Variants in SYPL2 observed in about 807,000 individuals in gnomAD.
The protein encoded by SYPL2 is synaptophysin like 2.
Under a neutral mutation model 31.3 loss-of-function variants are expected in SYPL2, and 24 were observed. The observed-to-expected ratio is 0.77, with a 90% confidence interval of 0.56 to 1.08. SYPL2 has a LOEUF of 1.08. Ranked by LOEUF, SYPL2 falls within the 50% of genes least tolerant of loss-of-function variation. SYPL2 has a pLI of 0.00. For synonymous variants in SYPL2, 144 were observed against 143.1 expected, an observed-to-expected ratio of 1.01 and a Z score of -0.05; for missense variants, 342 against 360.1, an observed-to-expected ratio of 0.95 and a Z score of 0.41.
chr1:109,471,467 G>T (rs149712259), intron 2 of SYPL2, among the ~76,000 whole-genome samples: 165 of 152,318 alleles, frequency 1.1e-3, no homozygotes, highest in Admixed American at 1.7e-3. Context: ...TTTAGACACA[G>T]CAGAACTTTT....
intron 2 of SYPL2, 65 bp from the exon 3 acceptor site, chr1:109,475,516 G>A (rs1346192878): frequency 2.2e-5 from 35 of 1,577,136 alleles, no homozygotes; most frequent in Non-Finnish European, 2.9e-5. Context: ...GGGGAGTCAC[G>A]GTTAGTTCTC....
intron 1 of SYPL2, 67 bp downstream of exon 1, chr1:109,466,964 C>T: frequency 3.9e-6 from 6 of 1,534,994 alleles, no homozygotes; most frequent in Non-Finnish European, 5.2e-6. Context: ...GCACACTTAT[C>T]CCACCCCTGG....
At chr1:109,477,739 G>A in intron 4 of SYPL2, 79 bp from the exon 5 acceptor site, 1 of 1,529,680 alleles carries the variant, frequency 6.5e-7, no homozygotes, top group Non-Finnish European at 8.8e-7. Flanking sequence ...GGGATTGCCA[G>A]TATCATGGCA....
At chr1:109,479,236 C>G in intron 5 of SYPL2, 142 bp from the exon 6 acceptor site, 1 of 894,892 alleles carries the variant, frequency 1.1e-6, no homozygotes, top group East Asian at 2.4e-5. Context: ...GCCTCTATAC[C>G]GAGCTCTCTG....
At position 109,479,780 on chromosome 1, in the gene SYPL2, C is replaced by T; in HGVS notation, c.*232C>T. On this transcript the variant is annotated 3_prime_UTR_variant, in exon 6 of 6. Transcript: ENST00000369872. ...TGGCAGGAGCTCAGTGCTTCTTGTGCAGTGCCTGGACCCAGGTATCTTACT... is the reference window on the plus strand; with the variant it reads ...TGGCAGGAGCTCAGTGCTTCTTGTGTAGTGCCTGGACCCAGGTATCTTACT... The T allele has an allele frequency of 1.7e-6, 1 of 605,120 alleles. No individual in the cohort carries two copies. Among genetic ancestry groups the T allele is most frequent in the Non-Finnish European group, 2.8e-6 (1 of 353,742 alleles). 37.5% of individuals were successfully genotyped at this position (605,120 alleles called of 1,614,324 possible).
rs1655962851 is a variant in SYPL2 at position 109,475,371 on chromosome 1, T to C, written c.130-210T>C. 8.5e-6 allele frequency: 5 copies of C among 590,784 alleles called. No individual in the cohort carries two copies. The South Asian group carries it at 9.2e-5, about 11-fold the overall frequency. 36.6% of individuals were successfully genotyped at this position (590,784 alleles called of 1,614,324 possible). On this transcript the variant is annotated intron_variant, in intron 2 of 5. Transcript: ENST00000369872. Reference sequence around the variant, plus strand: ...CTTGCAGACACCACTCAGTCAACCTTGTATTCATTTGGCTATTTGGTCCAG... The same window carrying C: ...CTTGCAGACACCACTCAGTCAACCTCGTATTCATTTGGCTATTTGGTCCAG...
chr1:109,472,964 T>A (rs1370808945), intron 2 of SYPL2, among the ~76,000 whole-genome samples: 5 of 152,110 alleles, frequency 3.3e-5, no homozygotes, highest in Non-Finnish European at 7.3e-5. Context: ...ACTGACTAAC[T>A]GCCAACGGGT....
rs1012524637 is a variant in SYPL2, at chr1:109,466,746, T to G, written c.-98T>G. 2.0e-5 allele frequency: 27 copies of G among 1,320,700 alleles called. No homozygotes were observed. The Admixed American group carries it at 3.7e-4, about 18-fold the overall frequency. The allele number at this position is 1,320,700 out of a possible 1,614,324, so 81.8% of individuals were successfully genotyped here. A position where few individuals can be genotyped will look rare whatever the true frequency, so the allele number is the denominator to read the frequency against. On this transcript the variant is annotated 5_prime_UTR_variant, in exon 1 of 6. Transcript: ENST00000369872. ...GCGCTCCGGCCCCGCTCGCCTGCTC[T>G]GCCCCGGACCTGCAGCTCCCCGCTC...
In SYPL2 at chr1:109,479,396, T is replaced by C; in HGVS notation, c.667T>C (p.Phe223Leu). The change falls in exon 6 of 6, where the codon TTC becomes CTC. Residue 223 changes from phenylalanine (F) to leucine (L), a missense_variant. Transcript: ENST00000369872. Reference protein sequence around the residue: ...NISVLFGFINFFLWAGNCWFV... With the variant: ...NISVLFGFINLFLWAGNCWFV... ...TTTGCAGCTCTTTGGCTTTATCAACTTCTTCCTGTGGGCCGGGAACTGTTG... is the reference window on the plus strand; with the variant it reads ...TTTGCAGCTCTTTGGCTTTATCAACCTCTTCCTGTGGGCCGGGAACTGTTG... 6.2e-7 allele frequency: 1 copy of C among 1,614,146 alleles called. No individual in the cohort carries two copies. Among genetic ancestry groups the C allele is most frequent in the South Asian group, 1.1e-5 (1 of 91,078 alleles).
intron 3 of SYPL2, among the ~76,000 whole-genome samples, chr1:109,476,414 C>G (rs1655999475): frequency 6.6e-6 from 1 of 152,182 alleles, no homozygotes; most frequent in African/African-American, 2.4e-5. Context: ...CCTGCACTTT[C>G]CAGAGGCAGA....
chr1:109,470,396 T>C (rs139795625), intron 2 of SYPL2, among the ~76,000 whole-genome samples: 36 of 152,320 alleles, frequency 2.4e-4, no homozygotes, highest in African/African-American at 8.2e-4. Flanking sequence ...CTCAGGACTG[T>C]CACAGGATTA....
chr1:109,470,842 A>G (rs923026347), intron 2 of SYPL2, among the ~76,000 whole-genome samples: 2 of 152,140 alleles, frequency 1.3e-5, no homozygotes, highest in African/African-American at 4.8e-5. Context: ...CCTCCTTGTA[A>G]TCCTCAATGC....
chr1:109,469,217 G>A (rs1207361371), intron 2 of SYPL2, among the ~76,000 whole-genome samples: 8 of 152,066 alleles, frequency 5.3e-5, no homozygotes, highest in Non-Finnish European at 1.2e-4. Context: ...GCTCCTGATT[G>A]GAGAAGGAAA....
intron 3 of SYPL2, 25 bp from the exon 4 acceptor site, chr1:109,476,751 G>A: frequency 1.2e-6 from 2 of 1,611,482 alleles, no homozygotes; most frequent in East Asian, 2.2e-5. Flanking sequence ...CCTGAGCTCA[G>A]GATGGCCTCC....
intron 2 of SYPL2, 170 bp from the exon 3 acceptor site, chr1:109,475,411 A>C (rs780189194): frequency 7.9e-6 from 7 of 886,800 alleles, no homozygotes; most frequent in Non-Finnish European, 1.1e-5. Flanking sequence ...CTGAGGCTGG[A>C]AGATAAATGG....
At chr1:109,471,867 C>T (rs555054552) in intron 2 of SYPL2, among the ~76,000 whole-genome samples, 7 of 151,820 alleles carry the variant, frequency 4.6e-5, no homozygotes, top group Non-Finnish European at 8.8e-5. Context: ...CCACCATGCC[C>T]GACTACTTTT....
rs370180087 is a variant in SYPL2, at chr1:109,479,027, G to C, written c.649-351G>C. 2.0e-5 allele frequency among the ~76,000 whole-genome samples: 3 copies of C among 152,256 alleles called. No homozygotes were observed. The East Asian group carries it at 5.8e-4, about 29-fold the overall frequency. ...CTGCCACACCTACCTGGCGGAAGGTGCTCCGAACAGGGCCTCACGCGTGCT... is the reference window on the plus strand; with the variant it reads ...CTGCCACACCTACCTGGCGGAAGGTCCTCCGAACAGGGCCTCACGCGTGCT... On this transcript the variant is annotated intron_variant, in intron 5 of 5. Transcript: ENST00000369872.
intron 2 of SYPL2, among the ~76,000 whole-genome samples, chr1:109,469,938 T>G (rs1484686361): frequency 6.6e-6 from 1 of 151,954 alleles, no homozygotes; most frequent in African/African-American, 2.4e-5. Flanking sequence ...CCCTCTGCTT[T>G]CTTGCTTTCT....
chr1:109,479,542 G>A lies in SYPL2; in HGVS notation c.813G>A (p.Lys271=). ...CAGCTGAGCAGGGAGCAGTGGAGAA[G>A]CAGTAAGCAGCCCCCCACCTGGCTA... ...ESAAEQGAVE[K]Q The change falls in exon 6 of 6, where the codon AAG becomes AAA. Residue 271 remains lysine (K), a synonymous_variant. Coordinates refer to ENST00000369872, the MANE Select transcript of SYPL2 (RefSeq NM_001040709.2). The A allele has an allele frequency of 1.9e-6, 3 of 1,612,712 alleles. No individual in the cohort carries two copies. In the South Asian group the frequency reaches 3.3e-5, roughly 18 times the overall value.
Sources: allele counts gnomAD v4.1 joint callset (sites outside exome capture counted in the v4.1 genomes callset), GRCh38; gene constraint gnomAD v4.1.1; transcripts MANE v1.5; gene names NCBI Gene and HGNC (gene_info 2026-07-23, HGNC 2026-07-21).